The following ROBO2 variants were observed in gnomAD, a reference collection of about 807,000 sequenced individuals.
ROBO2 encodes roundabout guidance receptor 2.
In ROBO2, 53 loss-of-function variants were observed where a neutral mutation model predicts 160.8. That is an observed-to-expected ratio of 0.33 (90% CI 0.26 to 0.41). The LOEUF (loss-of-function observed/expected upper bound fraction) is 0.41, where lower values mean the gene tolerates loss of function less well. Ranked by LOEUF, ROBO2 falls within the 10% of genes least tolerant of loss-of-function variation. The probability of loss-of-function intolerance (pLI) is 1.00; values close to 1 mark genes in which losing one functional copy is unlikely to be tolerated. For missense variants in ROBO2, 1,577 were observed against 1,722.4 expected, an observed-to-expected ratio of 0.92 and a Z score of 1.49; for synonymous variants, 664 against 611.7, an observed-to-expected ratio of 1.09 and a Z score of -1.26.
At chr3:76,248,288 A>G (rs1488038841) in intron 2 of ROBO2, among the ~76,000 whole-genome samples, 2 of 152,116 alleles carry the variant, frequency 1.3e-5, no homozygotes, top group African/African-American at 4.8e-5. Context: ...TGGCACACAT[A>G]CATCATGGAA....
chr3:77,181,891 A>G (rs2080823330), intron 2 of ROBO2, among the ~76,000 whole-genome samples: 1 of 152,126 alleles, frequency 6.6e-6, no homozygotes, highest in Non-Finnish European at 1.5e-5. Context: ...CCATTACATA[A>G]GTAGGGACAA....
chr3:76,358,906 A>C (rs928715879), intron 2 of ROBO2, among the ~76,000 whole-genome samples: 5 of 147,150 alleles, frequency 3.4e-5, no homozygotes, highest in Non-Finnish European at 3.0e-5. Context: ...ATATCTCCTA[A>C]TGCTATCCCT....
intron 2 of ROBO2, among the ~76,000 whole-genome samples, chr3:76,120,225 C>T (rs977367389): frequency 2.0e-5 from 3 of 152,032 alleles, no homozygotes; most frequent in Non-Finnish European, 4.4e-5. Context: ...TGATCTTGAA[C>T]TCCTGACCTC....
chr3:76,954,219 A>C (rs1323841746), intron 2 of ROBO2, among the ~76,000 whole-genome samples: 4 of 152,184 alleles, frequency 2.6e-5, no homozygotes, highest in Admixed American at 2.0e-4. Flanking sequence ...GTACCTACCA[A>C]TGTGTCCTAC....
chr3:77,499,230 C>A (rs940680162), intron 5 of ROBO2, among the ~76,000 whole-genome samples: 3 of 152,164 alleles, frequency 2.0e-5, no homozygotes, highest in African/African-American at 7.2e-5. Context: ...TGATAGTTGA[C>A]AAATTTCTCT....
At chr3:76,331,655 A>G (rs1035894860) in intron 2 of ROBO2, among the ~76,000 whole-genome samples, 2 of 151,578 alleles carry the variant, frequency 1.3e-5, no homozygotes, top group African/African-American at 4.8e-5. Context: ...GGAAACATTA[A>G]TATTTGTTAT....
intron 2 of ROBO2, among the ~76,000 whole-genome samples, chr3:76,775,946 A>G (rs1244502249): frequency 2.0e-5 from 3 of 150,836 alleles, no homozygotes; most frequent in African/African-American, 7.3e-5. Flanking sequence ...TGCAATATCC[A>G]TGTCTGTAAA....
At chr3:76,966,820 C>T (rs1023053337) in intron 2 of ROBO2, among the ~76,000 whole-genome samples, 3 of 152,120 alleles carry the variant, frequency 2.0e-5, no homozygotes, top group East Asian at 3.9e-4. Context: ...AAATAATATT[C>T]GGTGTGTTTA....
intron 2 of ROBO2, among the ~76,000 whole-genome samples, chr3:76,460,684 T>C (rs1225730155): frequency 6.6e-6 from 1 of 152,174 alleles, no homozygotes; most frequent in Non-Finnish European, 1.5e-5. Context: ...AGCCTGCAGA[T>C]GACAACAGCT....
At chr3:77,123,968 T>C (rs887672555) in intron 2 of ROBO2, among the ~76,000 whole-genome samples, 13 of 150,294 alleles carry the variant, frequency 8.6e-5, no homozygotes, top group African/African-American at 3.2e-4. Context: ...ATGTAGATAA[T>C]CTATCTATAT....
chr3:77,204,226 C>T (rs780511249), intron 2 of ROBO2, among the ~76,000 whole-genome samples: 1 of 152,172 alleles, frequency 6.6e-6, no homozygotes, highest in South Asian at 2.1e-4. Flanking sequence ...CCATTTTTAC[C>T]TCTGAACCTG....
chr3:77,638,852 G>A (rs1463553421), intron 24 of ROBO2, among the ~76,000 whole-genome samples: 2 of 120,566 alleles, frequency 1.7e-5, no homozygotes, highest in East Asian at 5.1e-4. Flanking sequence ...TTGAGAGGGA[G>A]TTTTGTTCCT....
chr3:76,064,382 T>C (rs972551228), intron 2 of ROBO2, among the ~76,000 whole-genome samples: 2 of 152,234 alleles, frequency 1.3e-5, no homozygotes, highest in African/African-American at 4.8e-5. Flanking sequence ...CCATTATAGA[T>C]GGTTGCCTTC....
At chr3:76,314,724 A>G (rs2071862358) in intron 2 of ROBO2, among the ~76,000 whole-genome samples, 3 of 152,180 alleles carry the variant, frequency 2.0e-5, no homozygotes, top group Admixed American at 2.0e-4. Flanking sequence ...TTACTGTAAG[A>G]ATACAGTATA....
chr3:76,481,967 C>T (rs1046509746), intron 2 of ROBO2, among the ~76,000 whole-genome samples: 1 of 152,074 alleles, frequency 6.6e-6, no homozygotes, highest in African/African-American at 2.4e-5. Flanking sequence ...GTCAGGATGC[C>T]TCAGGATGTC....
At chr3:77,248,614 G>A (rs1360087814) in intron 2 of ROBO2, among the ~76,000 whole-genome samples, 2 of 152,122 alleles carry the variant, frequency 1.3e-5, no homozygotes, top group Non-Finnish European at 2.9e-5. Context: ...TCCTGCGCTC[G>A]CTCACCTGCG....
intron 2 of ROBO2, among the ~76,000 whole-genome samples, chr3:76,089,515 T>C (rs1193092937): frequency 6.6e-6 from 1 of 152,112 alleles, no homozygotes; most frequent in East Asian, 1.9e-4. Context: ...GGCACGCAAG[T>C]CTGGTTAAAC....
intron 1 of ROBO2, among the ~76,000 whole-genome samples, chr3:77,052,535 T>C (rs1432927112): frequency 6.6e-6 from 1 of 152,248 alleles, no homozygotes; most frequent in East Asian, 1.9e-4. Flanking sequence ...TTGGCTATTT[T>C]GCAAATTAGA....
intron 2 of ROBO2, among the ~76,000 whole-genome samples, chr3:77,122,790 A>C (rs1215889099): frequency 1.3e-5 from 2 of 152,238 alleles, no homozygotes; most frequent in African/African-American, 4.8e-5. Flanking sequence ...TCATTCTGAC[A>C]GGCCAATGAC....
Sources: allele counts gnomAD v4.1 joint callset (sites outside exome capture counted in the v4.1 genomes callset), GRCh38; gene constraint gnomAD v4.1.1; transcripts MANE v1.5; gene names NCBI Gene and HGNC (gene_info 2026-07-23, HGNC 2026-07-21).